The following PEBP4 variants were observed in gnomAD, a reference collection of about 807,000 sequenced individuals.
PEBP4 encodes the protein phosphatidylethanolamine-binding protein 4.
In PEBP4, 22 loss-of-function variants were observed where a neutral mutation model predicts 23.9. That is an observed-to-expected ratio of 0.92 (90% CI 0.66 to 1.31). The LOEUF is 1.31. PEBP4 is among the 40% of genes most tolerant of loss of function. The pLI is 0.00. For synonymous variants in PEBP4, 112 were observed against 99.3 expected (o/e 1.13, Z -0.76); for missense variants, 324 against 281.7 (o/e 1.15, Z -1.07).
chr8:22,728,559 TCTTCCTTCCTTC>T (rs3029509), intron 4 of PEBP4, among the ~76,000 whole-genome samples: 4,946 of 96,170 alleles, frequency 0.051, 329 homozygotes, highest in East Asian at 0.36. Flanking sequence ...TTTCTTTCTT[TCTTCCTTCCTTC>T]CTTCCTTCCT....
At chr8:22,901,835 T>C (rs1808717820) in intron 3 of PEBP4, among the ~76,000 whole-genome samples, 1 of 152,206 alleles carries the variant, frequency 6.6e-6, no homozygotes, top group Admixed American at 6.5e-5. Context: ...GGTTAAATCA[T>C]GTTCATTAGA....
chr8:22,748,942 C>T (rs1350758536), intron 4 of PEBP4, among the ~76,000 whole-genome samples: 4 of 152,134 alleles, frequency 2.6e-5, no homozygotes, highest in African/African-American at 4.8e-5. Flanking sequence ...AGAGAGGCCT[C>T]ACCACATCAA....
chr8:22,921,063 T>TGCAGG (rs200640692), intron 2 of PEBP4, among the ~76,000 whole-genome samples: 2 of 152,234 alleles, frequency 1.3e-5, no homozygotes, highest in Non-Finnish European at 2.9e-5. Context: ...CAACAGAGCC[T>TGCAGG]GCAGGGCAGG....
chr8:22,881,038 A>C (rs1420224419), intron 3 of PEBP4, among the ~76,000 whole-genome samples: 1 of 152,158 alleles, frequency 6.6e-6, no homozygotes, highest in Non-Finnish European at 1.5e-5. Flanking sequence ...CTCTGGATTT[A>C]GTTTGGGTTG....
At chr8:22,827,411 C>A (rs777712767) in intron 3 of PEBP4, among the ~76,000 whole-genome samples, 4 of 152,182 alleles carry the variant, frequency 2.6e-5, no homozygotes, top group Non-Finnish European at 5.9e-5. Flanking sequence ...CCCGCCAGTT[C>A]CAAGCAACCA....
In PEBP4 at chr8:22,767,569, T is replaced by C. The variant is rs562654307; in HGVS notation, c.358-40349A>G. ...ACATGACGCTCAAGAATACGCCTGA[T>C]TGACAGTGATAAGAGTCCAAATAAT... On this transcript the variant is annotated intron_variant, in intron 4 of 6. Coordinates refer to ENST00000256404, the MANE Select transcript of PEBP4 (RefSeq NM_144962.3). 5.3e-5 allele frequency among the ~76,000 whole-genome samples: 8 copies of C among 152,166 alleles called. No individual in the cohort carries two copies. The South Asian group carries it at 1.2e-3, about 24-fold the overall frequency.
intron 3 of PEBP4, among the ~76,000 whole-genome samples, chr8:22,854,682 A>G (rs1807604795): frequency 6.6e-6 from 1 of 152,206 alleles, no homozygotes; most frequent in Non-Finnish European, 1.5e-5. Context: ...CTGTAATTAC[A>G]GAACATCAAA....
At chr8:22,896,171 A>G (rs1808586016) in intron 3 of PEBP4, 1 of 152,294 alleles carries the variant, frequency 6.6e-6, no homozygotes, top group Non-Finnish European at 1.5e-5. Context: ...CTAGTCTGGG[A>G]GGAGAGACAG....
intron 4 of PEBP4, among the ~76,000 whole-genome samples, chr8:22,743,600 C>T (rs796396159): frequency 3.3e-5 from 5 of 152,326 alleles, no homozygotes; most frequent in African/African-American, 9.6e-5. Flanking sequence ...CCTCCTCCAT[C>T]CCTTATCTGG....
intron 6 of PEBP4, among the ~76,000 whole-genome samples, chr8:22,719,870 C>A (rs1401227353): frequency 1.3e-5 from 2 of 152,124 alleles, no homozygotes; most frequent in Non-Finnish European, 2.9e-5. Context: ...GGGAGGACGT[C>A]GATCAATGCA....
rs60120809 is a variant in PEBP4 at position 22,877,937 on chromosome 8, G to GACAC, written c.258+42243_258+42246dup. ...TCCATACACTGCACACGCGTGCGCA[G>GACAC]ACACACACACACACACACAGACACA... On this transcript the variant is annotated intron_variant, in intron 3 of 6. Coordinates refer to ENST00000256404, the MANE Select transcript of PEBP4 (RefSeq NM_144962.3). 6.0e-4 allele frequency: 91 copies of GACAC among 150,498 alleles called. 1 individual carries two copies. The highest frequency in any genetic ancestry group is 1.7e-3 in the African/African-American group (68 of 41,156). The allele number at this position is 150,498 out of a possible 1,614,324, so 9.3% of individuals were successfully genotyped here. A position where few individuals can be genotyped will look rare whatever the true frequency, so the allele number is the denominator to read the frequency against.
At chr8:22,928,554 T>C (rs1186453202), upstream of PEBP4, among the ~76,000 whole-genome samples, 1 of 152,136 alleles carries the variant, frequency 6.6e-6, no homozygotes, top group Non-Finnish European at 1.5e-5. Context: ...CTGCATTCCC[T>C]TGGGGAACAG....
chr8:22,806,110 C>T (rs2128759691), intron 4 of PEBP4, among the ~76,000 whole-genome samples: 1 of 152,298 alleles, frequency 6.6e-6, no homozygotes, highest in Non-Finnish European at 1.5e-5. Context: ...CCCTCATGAA[C>T]CTCTGACATG....
chr8:22,853,391 T>C (rs1807584765), intron 3 of PEBP4, among the ~76,000 whole-genome samples: 1 of 152,250 alleles, frequency 6.6e-6, no homozygotes, highest in Non-Finnish European at 1.5e-5. Context: ...TTATTTCTGC[T>C]TTCATACTAA....
chr8:22,734,607 T>C (rs1804816732), intron 4 of PEBP4, among the ~76,000 whole-genome samples: 1 of 152,152 alleles, frequency 6.6e-6, no homozygotes, highest in African/African-American at 2.4e-5. Flanking sequence ...AGTCTGGCAA[T>C]GGGACTCCTG....
intron 3 of PEBP4, among the ~76,000 whole-genome samples, chr8:22,906,045 T>TC (rs1293564231): frequency 6.6e-6 from 1 of 152,118 alleles, no homozygotes; most frequent in East Asian, 1.9e-4. Flanking sequence ...ACATTGCATA[T>TC]CCCCAAACAC....
chr8:22,800,642 A>G (rs1014497622), intron 4 of PEBP4, among the ~76,000 whole-genome samples: 1 of 152,136 alleles, frequency 6.6e-6, no homozygotes, highest in Non-Finnish European at 1.5e-5. Context: ...CAGGAACTCC[A>G]TTGCAAAGCC....
At chr8:22,940,626 C>G (rs1231934062) in intron 1 of PEBP4, among the ~76,000 whole-genome samples, 1 of 151,810 alleles carries the variant, frequency 6.6e-6, no homozygotes, top group African/African-American at 2.4e-5. Context: ...GCAGCTGGGA[C>G]TACAGGTGAC....
In PEBP4 at chr8:22,865,538, C is replaced by A. The variant is rs950775660; in HGVS notation, c.259-47803G>T. On this transcript the variant is annotated intron_variant, in intron 3 of 6. Coordinates refer to ENST00000256404, the MANE Select transcript of PEBP4 (RefSeq NM_144962.3). The surrounding 1 kb of genome is among the most constrained non-coding windows in gnomAD (Gnocchi z 6.9). ...CGGGGAAGAGCTAAAAAAGGCAAGG[C>A]GCTGCTGCCGGTGCCGGTGCCGCAG... Among the ~76,000 whole-genome samples the A allele has an allele frequency of 6.6e-6, 1 of 151,862 alleles. No individual in the cohort carries two copies. Among genetic ancestry groups the A allele is most frequent in the Admixed American group, 6.6e-5 (1 of 15,266 alleles).
Sources: allele counts gnomAD v4.1 joint callset (sites outside exome capture counted in the v4.1 genomes callset), GRCh38; gene constraint gnomAD v4.1.1; non-coding constraint Gnocchi (gnomAD v3.1); transcripts MANE v1.5; gene names NCBI Gene and HGNC (gene_info 2026-07-23, HGNC 2026-07-21).